FSTL5: variants seen among roughly 807,000 people sequenced by gnomAD.
FSTL5 encodes follistatin-related protein 5.
FSTL5 carries 62 observed loss-of-function variants against 89.1 expected under a neutral mutation model. The ratio of observed to expected loss-of-function variants is 0.70; its 90% CI spans 0.57 to 0.86. The LOEUF (loss-of-function observed/expected upper bound fraction) is 0.86. Ranked by LOEUF, FSTL5 falls within the 40% of genes least tolerant of loss-of-function variation. FSTL5 has a pLI of 0.00. For synonymous variants in FSTL5, 383 were observed against 346.2 expected (o/e 1.11, Z -1.18); for missense variants, 1,057 against 1,001.6 (o/e 1.06, Z -0.75).
intron 4 of FSTL5, among the ~76,000 whole-genome samples, chr4:161,857,093 G>A (rs1247353862): frequency 6.6e-6 from 1 of 152,124 alleles, no homozygotes; most frequent in East Asian, 1.9e-4. Flanking sequence ...GATATTCAAA[G>A]GTGGCAGGGG....
At chr4:161,639,177 C>T (rs535339594) in intron 7 of FSTL5, among the ~76,000 whole-genome samples, 35 of 151,958 alleles carry the variant, frequency 2.3e-4, no homozygotes, top group Admixed American at 3.9e-4. Context: ...TATAAATTTC[C>T]TCTTAGTTCT....
intron 2 of FSTL5, among the ~76,000 whole-genome samples, chr4:162,076,824 T>C (rs1729866690): frequency 6.6e-6 from 1 of 151,698 alleles, no homozygotes; most frequent in Admixed American, 6.6e-5. Context: ...GGGGCTGATG[T>C]ATCAAAAAAA....
At chr4:161,449,809 G>A (rs1489678630) in intron 15 of FSTL5, among the ~76,000 whole-genome samples, 11 of 152,026 alleles carry the variant, frequency 7.2e-5, no homozygotes, top group Admixed American at 7.2e-4. Context: ...AACCTTAAAG[G>A]ATTTCTACTT....
At chr4:162,115,799 C>A (rs1337609925) in intron 1 of FSTL5, among the ~76,000 whole-genome samples, 4 of 152,164 alleles carry the variant, frequency 2.6e-5, no homozygotes, top group African/African-American at 9.7e-5. Context: ...ATTTTCTCCG[C>A]ATGGCAAAAC....
At chr4:161,546,577 A>T (rs1246293375) in intron 8 of FSTL5, among the ~76,000 whole-genome samples, 6 of 151,806 alleles carry the variant, frequency 4.0e-5, no homozygotes, top group African/African-American at 1.4e-4. Flanking sequence ...ACTAAAGAGA[A>T]CACATTATAG....
chr4:162,074,353 T>C (rs756952016), intron 2 of FSTL5, among the ~76,000 whole-genome samples: 5 of 151,740 alleles, frequency 3.3e-5, no homozygotes, highest in Non-Finnish European at 7.4e-5. Flanking sequence ...TTTTTTTAAT[T>C]TGAGTCTTTT....
intron 5 of FSTL5, among the ~76,000 whole-genome samples, chr4:161,761,673 T>C (rs765554039): frequency 1.4e-4 from 22 of 152,212 alleles, no homozygotes; most frequent in Non-Finnish European, 5.9e-5. Context: ...GATCTTGATT[T>C]GATCTTGGCC....
At chr4:161,510,675 A>G (rs1027988010) in intron 10 of FSTL5, among the ~76,000 whole-genome samples, 3 of 151,782 alleles carry the variant, frequency 2.0e-5, no homozygotes, top group African/African-American at 7.2e-5. Flanking sequence ...TATTAAACAA[A>G]GAACATTTTA....
chr4:161,495,013 G>A (rs13148718), intron 12 of FSTL5: 4,554 of 152,236 alleles, frequency 0.03, 146 homozygotes, highest in East Asian at 0.13. Context: ...AGTGAGCTAC[G>A]AATGCACCAC....
chr4:161,598,565 G>A (rs1482594029), intron 7 of FSTL5, among the ~76,000 whole-genome samples: 1 of 152,118 alleles, frequency 6.6e-6, no homozygotes, highest in Admixed American at 6.5e-5. Flanking sequence ...CTAAGATGAA[G>A]TGATGTATTA....
intron 3 of FSTL5, among the ~76,000 whole-genome samples, chr4:162,015,541 A>G (rs1736892400): frequency 6.6e-6 from 1 of 152,190 alleles, no homozygotes; most frequent in Non-Finnish European, 1.5e-5. Context: ...CTGAACCCAG[A>G]AAGAACCTTG....
intron 3 of FSTL5, among the ~76,000 whole-genome samples, chr4:161,925,195 T>A (rs907617411): frequency 6.6e-6 from 1 of 151,926 alleles, no homozygotes; most frequent in African/African-American, 2.4e-5. Context: ...TAGTAAGTTT[T>A]CTCTATAATA....
chr4:161,681,588 T>C (rs1289530098), intron 6 of FSTL5, among the ~76,000 whole-genome samples: 1 of 152,088 alleles, frequency 6.6e-6, no homozygotes, highest in Non-Finnish European at 1.5e-5. Context: ...ATTGAAATCC[T>C]ATTCGTAATC....
At chr4:161,613,063 T>C (rs1426165383) in intron 7 of FSTL5, among the ~76,000 whole-genome samples, 1 of 152,154 alleles carries the variant, frequency 6.6e-6, no homozygotes, top group Non-Finnish European at 1.5e-5. Context: ...GGCTAATATG[T>C]AATAAACCCC....
At chr4:161,393,374 A>G (rs1298717039) in intron 15 of FSTL5, among the ~76,000 whole-genome samples, 1 of 151,882 alleles carries the variant, frequency 6.6e-6, no homozygotes, top group African/African-American at 2.4e-5. Flanking sequence ...GTAAAACACT[A>G]TGAAGGAAAT....
At chr4:161,488,490 T>C (rs2126465343) in intron 12 of FSTL5, among the ~76,000 whole-genome samples, 1 of 152,208 alleles carries the variant, frequency 6.6e-6, no homozygotes, top group Middle Eastern at 3.4e-3. Context: ...TTGTTTTCTC[T>C]TTATAAATAG....
intron 6 of FSTL5, among the ~76,000 whole-genome samples, chr4:161,676,725 A>G (rs1268550437): frequency 1.3e-5 from 2 of 151,286 alleles, no homozygotes; most frequent in African/African-American, 2.4e-5. Flanking sequence ...TATTCGCTTC[A>G]CTATTTGGAA....
chr4:161,464,317 G>T (rs1050118700), intron 13 of FSTL5, among the ~76,000 whole-genome samples: 1 of 152,044 alleles, frequency 6.6e-6, no homozygotes, highest in African/African-American at 2.4e-5. Flanking sequence ...CTTTTGGAGG[G>T]TCTTTCCTTG....
chr4:161,912,068 G>A lies in FSTL5; in HGVS notation c.409+8336C>T, dbSNP rs946600505. 2.6e-5 allele frequency among the ~76,000 whole-genome samples: 4 copies of A among 152,066 alleles called. No homozygotes were observed. In the South Asian group the frequency reaches 8.3e-4, roughly 31 times the overall value. On this transcript the variant is annotated intron_variant, in intron 4 of 15. Transcript: ENST00000306100. Reference sequence around the variant, plus strand: ...GACTAATAGAGAACAATTTTCAACGGCATTTTCTAGAACATTTTATCCTCA... The same window carrying A: ...GACTAATAGAGAACAATTTTCAACGACATTTTCTAGAACATTTTATCCTCA...
Sources: gnomAD v4.1 joint callset for allele counts (sites outside exome capture counted in the v4.1 genomes callset) on GRCh38, gnomAD v4.1.1 for gene constraint, MANE v1.5 for transcripts, NCBI Gene and HGNC (gene_info 2026-07-23, HGNC 2026-07-21) for gene names.